Variants in SMIM14 observed in about 807,000 individuals in gnomAD.
The protein encoded by SMIM14 is small integral membrane protein 14, also known as chromosome 4 open reading frame 34.
In SMIM14, 5 loss-of-function variants were observed where a neutral mutation model predicts 12.6. The ratio of observed to expected loss-of-function variants is 0.40; its 90% CI spans 0.21 to 0.83. The LOEUF (loss-of-function observed/expected upper bound fraction) is 0.83, where lower values mean the gene tolerates loss of function less well. SMIM14 is among the 40% of genes least tolerant of loss of function. SMIM14 has a pLI of 0.37. For missense variants in SMIM14, 86 were observed against 119.1 expected (o/e 0.72, Z 1.29); for synonymous variants, 30 against 40.1 (o/e 0.75, Z 0.95).
At chr4:39,608,576 A>C (rs1714902177) in intron 1 of SMIM14, among the ~76,000 whole-genome samples, 2 of 152,242 alleles carry the variant, frequency 1.3e-5, no homozygotes, top group South Asian at 4.1e-4. Flanking sequence ...ATTTATATGA[A>C]ATATCTAGCT....
chr4:39,566,436 C>G (rs947545883), intron 3 of SMIM14, among the ~76,000 whole-genome samples: 1 of 152,000 alleles, frequency 6.6e-6, no homozygotes, highest in South Asian at 2.1e-4. Flanking sequence ...GAGTGAATGT[C>G]TAGAAAAGGA....
intron 1 of SMIM14, among the ~76,000 whole-genome samples, chr4:39,623,984 A>G (rs915348059): frequency 6.6e-6 from 1 of 152,224 alleles, no homozygotes; most frequent in Non-Finnish European, 1.5e-5. Context: ...AATAGAACGT[A>G]TGCAATTAGT....
chr4:39,638,804 C>G lies in SMIM14; in HGVS notation c.-101G>C, dbSNP rs1485253960. The G allele has an allele frequency of 8.1e-6, 8 of 985,736 alleles. No homozygotes were observed. Among genetic ancestry groups the G allele is most frequent in the Non-Finnish European group, 9.6e-6 (8 of 830,184 alleles). 61.1% of individuals were successfully genotyped at this position (985,736 alleles called of 1,614,324 possible). ...CGGGACCGAGGCTCGGCAGAAAGAC[C>G]GCCTGGAGCTTCCAGAAGGCTGCGG... is the stretch of plus-strand genomic sequence containing the variant. On this transcript the variant is annotated 5_prime_UTR_variant, in exon 1 of 5. Coordinates refer to ENST00000295958, the MANE Select transcript of SMIM14 (RefSeq NM_174921.3).
rs533792301 is a variant in SMIM14 at position 39,559,964 on chromosome 4, A to G, written c.125-3394T>C. Among the ~76,000 whole-genome samples the G allele has an allele frequency of 7.9e-3, 1,202 of 151,304 alleles. 14 individuals carry two copies. The highest frequency in any genetic ancestry group is 0.02 in the Middle Eastern group (6 of 294). On this transcript the variant is annotated intron_variant, in intron 3 of 4. Transcript: ENST00000295958. ...AAAACCCGTATCTACAAAAAATTAA[A>G]AAAAAAAAATAGCCGGGTGTGGTGG...
chr4:39,557,767 A>G (rs1014842817), intron 3 of SMIM14, among the ~76,000 whole-genome samples: 2 of 152,194 alleles, frequency 1.3e-5, no homozygotes, highest in African/African-American at 2.4e-5. Flanking sequence ...AGACCACAGA[A>G]AAAACACTCT....
intron 2 of SMIM14, among the ~76,000 whole-genome samples, chr4:39,583,322 T>A (rs1384116200): frequency 2.0e-5 from 3 of 152,058 alleles, no homozygotes; most frequent in African/African-American, 7.3e-5. Context: ...GGTCTCAAAC[T>A]CCTGGGCTCA....
At chr4:39,623,056 T>C (rs547671061) in intron 1 of SMIM14, among the ~76,000 whole-genome samples, 2 of 152,210 alleles carry the variant, frequency 1.3e-5, no homozygotes, top group Admixed American at 6.5e-5. Context: ...ATCAGGAACT[T>C]TGAACACTGT....
At chr4:39,560,235 C>T (rs1712231785) in intron 3 of SMIM14, among the ~76,000 whole-genome samples, 2 of 151,150 alleles carry the variant, frequency 1.3e-5, no homozygotes, top group South Asian at 4.2e-4. Flanking sequence ...TTTATATCAA[C>T]AGTTCTTTTC....
intron 2 of SMIM14, among the ~76,000 whole-genome samples, chr4:39,604,065 T>C (rs1714716550): frequency 6.6e-6 from 1 of 151,540 alleles, no homozygotes; most frequent in African/African-American, 2.4e-5. Context: ...TCATGCCATA[T>C]GTTGGTGTAG....
intron 1 of SMIM14, among the ~76,000 whole-genome samples, chr4:39,613,326 G>A (rs1578357577): frequency 6.6e-6 from 1 of 152,306 alleles, no homozygotes; most frequent in East Asian, 1.9e-4. Context: ...CCAGTAAAAT[G>A]AGAAAGTATA....
intron 2 of SMIM14, chr4:39,594,817 T>C (rs1220421467): frequency 6.6e-6 from 1 of 151,988 alleles, no homozygotes; most frequent in Non-Finnish European, 1.5e-5. Flanking sequence ...TCACCATCAC[T>C]GGGCATCAGA....
chr4:39,569,399 C>T (rs550604344), intron 3 of SMIM14, among the ~76,000 whole-genome samples: 3 of 152,268 alleles, frequency 2.0e-5, no homozygotes, highest in Admixed American at 6.5e-5. Flanking sequence ...TTTACAATTA[C>T]CTTACTGCGT....
Position 39,594,740 on chromosome 4 carries a change from A to G in SMIM14, c.75+10331T>C, listed in dbSNP as rs1212243064. ...CAAACAACCCCATCAAAAAGTGGGC[A>G]AAGGACATGAACAGACACTTCTCAA... On this transcript the variant is annotated intron_variant, in intron 2 of 4. Coordinates refer to ENST00000295958, the MANE Select transcript of SMIM14 (RefSeq NM_174921.3). 18 of 150,064 alleles carry G rather than the reference A, an allele frequency of 1.2e-4. No individual in the cohort carries two copies. In the East Asian group the frequency reaches 3.1e-3, roughly 26 times the overall value. The allele number at this position is 150,064 out of a possible 1,614,324, so 9.3% of individuals were successfully genotyped here.
At chr4:39,604,265 G>A (rs796384154) in intron 2 of SMIM14, among the ~76,000 whole-genome samples, 5 of 152,102 alleles carry the variant, frequency 3.3e-5, no homozygotes, top group African/African-American at 1.2e-4. Flanking sequence ...GGGCTGGGGA[G>A]GTGGATCACA....
rs370247911 is a variant in SMIM14 at position 39,552,796 on chromosome 4, T to C, written c.268-638A>G. Among the ~76,000 whole-genome samples, 13 of 152,292 alleles carry C rather than the reference T, an allele frequency of 8.5e-5. No individual in the cohort carries two copies. In the East Asian group the frequency reaches 1.7e-3, roughly 20 times the overall value. On this transcript the variant is annotated intron_variant, in intron 4 of 4. Transcript: ENST00000295958. ...GCCACTTGTTTTAAACCACTTGGAATTGACTTTTGTTAACTTGCAATAGAA... is the reference window on the plus strand; with the variant it reads ...GCCACTTGTTTTAAACCACTTGGAACTGACTTTTGTTAACTTGCAATAGAA...
intron 2 of SMIM14, among the ~76,000 whole-genome samples, chr4:39,585,500 T>A (rs1578334206): frequency 1.3e-5 from 2 of 152,102 alleles, no homozygotes; most frequent in South Asian, 4.2e-4. Flanking sequence ...TTTCTCCATG[T>A]TGGTAAGTCT....
At chr4:39,616,204 T>C (rs931123846) in intron 1 of SMIM14, among the ~76,000 whole-genome samples, 1 of 152,168 alleles carries the variant, frequency 6.6e-6, no homozygotes, top group Non-Finnish European at 1.5e-5. Flanking sequence ...GTCGCCATCT[T>C]GGCTCACTGC....
rs192454011 is a variant in SMIM14 at position 39,608,395 on chromosome 4, C to T, written c.-35-3215G>A. 5.2e-4 allele frequency among the ~76,000 whole-genome samples: 79 copies of T among 152,302 alleles called. 1 individual carries two copies. Among genetic ancestry groups the T allele is most frequent in the Admixed American group, 2.7e-3 (41 of 15,296 alleles). ...TGCAATAGACAAGAGACAGAAACAACCCAAGTGTCCATCAAGTGAAAAATG... is the reference window on the plus strand; with the variant it reads ...TGCAATAGACAAGAGACAGAAACAATCCAAGTGTCCATCAAGTGAAAAATG... On this transcript the variant is annotated intron_variant, in intron 1 of 4. Transcript: ENST00000295958.
chr4:39,630,021 A>T (rs76244195), intron 1 of SMIM14, among the ~76,000 whole-genome samples: 8,405 of 152,252 alleles, frequency 0.055, 351 homozygotes, highest in Middle Eastern at 0.11. Context: ...GTTAAAGATG[A>T]ATGTTATCTA....
Sources: allele counts gnomAD v4.1 joint callset (sites outside exome capture counted in the v4.1 genomes callset), GRCh38; gene constraint gnomAD v4.1.1; transcripts MANE v1.5; gene names NCBI Gene and HGNC (gene_info 2026-07-23, HGNC 2026-07-21).